The following MAOB variants were observed in gnomAD, a reference collection of about 807,000 sequenced individuals.
MAOB encodes the protein amine oxidase [flavin-containing] B.
A neutral mutation model predicts 41.9 loss-of-function variants in MAOB; 15 were observed. The observed-to-expected ratio is 0.36, with a 90% CI of 0.24 to 0.55. The LOEUF is 0.55. MAOB is among the 20% of genes least tolerant of loss of function. The pLI, the probability that MAOB is intolerant of heterozygous loss-of-function variation, is 0.86. For synonymous variants in MAOB, 167 were observed against 144.2 expected (o/e 1.16, Z -1.13); for missense variants, 345 against 398.7 (o/e 0.87, Z 1.15).
intron 12 of MAOB, among the ~76,000 whole-genome samples, chrX:43,769,885 CAATCAGTAACATTT>C (rs1165992823): frequency 1.8e-5 from 2 of 111,720 alleles, no homozygotes; most frequent in Non-Finnish European, 3.8e-5. Context: ...AAGACCCTTT[CAATCAGTAACATTT>C]AACAAATCTG....
intron 3 of MAOB, among the ~76,000 whole-genome samples, chrX:43,810,788 A>G (rs371857266): frequency 9.0e-6 from 1 of 111,651 alleles, no homozygotes; most frequent in East Asian, 2.8e-4. Flanking sequence ...AATTGGAATC[A>G]TGATACCTAT....
Position 43,797,270 on chromosome X carries a change from C to T in MAOB, c.477-4G>A, listed in dbSNP as rs1243514328. 1 of 1,157,130 alleles carries T rather than the reference C, an allele frequency of 8.6e-7. No homozygotes were observed. The highest frequency in any genetic ancestry group is 1.2e-6 in the Non-Finnish European group (1 of 868,340). ...AGTGGCAAGCTGCTTTGCAGATCTG[C>T]ACAGGAAGAAACAAGAGCAAACTTG... On this transcript the variant is annotated splice_polypyrimidine_tract_variant and splice_region_variant and intron_variant, in intron 5 of 14. Transcript: ENST00000378069.
At position 43,839,380 on chromosome X, in the gene MAOB, A is replaced by G. The variant is rs188484842; in HGVS notation, c.142-375T>C. Among the ~76,000 whole-genome samples, 89 of 112,260 alleles carry G rather than the reference A, an allele frequency of 7.9e-4. No individual in the cohort carries two copies. In the Middle Eastern group the frequency reaches 0.014, roughly 17 times the overall value. On this transcript the variant is annotated intron_variant, in intron 2 of 14. Coordinates refer to ENST00000378069, the MANE Select transcript of MAOB (RefSeq NM_000898.5). The stretch of plus-strand genomic sequence containing the variant: ...TGCTAGAGAAAAAGCAAGAAAGAAA[A>G]CGATCACTTCTTATGTGATTTGTTA...
intron 11 of MAOB, among the ~76,000 whole-genome samples, chrX:43,777,792 C>T (rs1279820375): frequency 8.9e-6 from 1 of 112,219 alleles, no homozygotes; most frequent in African/African-American, 3.2e-5. Flanking sequence ...GTACATTGGT[C>T]TCCATTGTCT....
At chrX:43,806,808 C>T (rs1024848904) in intron 3 of MAOB, among the ~76,000 whole-genome samples, 4 of 111,944 alleles carry the variant, frequency 3.6e-5, no homozygotes, top group African/African-American at 1.3e-4. Context: ...GTGTTTTATA[C>T]CTTGTGTTAT....
intron 1 of MAOB, among the ~76,000 whole-genome samples, chrX:43,865,478 A>C (rs2035358941): frequency 8.9e-6 from 1 of 112,028 alleles, no homozygotes; most frequent in Non-Finnish European, 1.9e-5. Context: ...ATGTTCAAAA[A>C]TTACATTGGG....
At chrX:43,838,058 T>C (rs1017558605) in intron 3 of MAOB, 1 of 316,442 alleles carries the variant, frequency 3.2e-6, no homozygotes, top group Non-Finnish European at 6.2e-6. Context: ...GTTATTAGAA[T>C]GAATGTCCAA....
chrX:43,792,725 T>C (rs1254354028), intron 8 of MAOB, among the ~76,000 whole-genome samples: 2 of 112,234 alleles, frequency 1.8e-5, no homozygotes, highest in Non-Finnish European at 3.8e-5. Context: ...TATGCACTGT[T>C]GGTGGGAATG....
intron 3 of MAOB, among the ~76,000 whole-genome samples, chrX:43,816,433 G>T (rs1431937368): frequency 2.7e-5 from 3 of 112,107 alleles, no homozygotes; most frequent in Non-Finnish European, 5.6e-5. Flanking sequence ...ATGTGAATTA[G>T]ATCTCAATGA....
chrX:43,826,921 A>G (rs1311954883), intron 3 of MAOB, among the ~76,000 whole-genome samples: 2 of 112,284 alleles, frequency 1.8e-5, no homozygotes, highest in Non-Finnish European at 3.8e-5. Context: ...TATTCCAACC[A>G]AAGTATCTGC....
At chrX:43,791,018 G>T (rs1217510404) in intron 8 of MAOB, among the ~76,000 whole-genome samples, 1 of 111,608 alleles carries the variant, frequency 9.0e-6, no homozygotes, top group African/African-American at 3.3e-5. Context: ...AAAATGGGTG[G>T]CCTGGGTCAC....
intron 8 of MAOB, among the ~76,000 whole-genome samples, chrX:43,787,661 T>C (rs1569212798): frequency 8.9e-6 from 1 of 112,306 alleles, no homozygotes; most frequent in Non-Finnish European, 1.9e-5. Context: ...TGATAGTTTA[T>C]GTGTACATTT....
chrX:43,794,375 C>T (rs1253860473), intron 7 of MAOB, among the ~76,000 whole-genome samples: 1 of 110,742 alleles, frequency 9.0e-6, no homozygotes, highest in Admixed American at 9.7e-5. Flanking sequence ...ACCAATTCTC[C>T]CATCTCACTT....
At chrX:43,803,708 G>C (rs2034627269) in intron 3 of MAOB, among the ~76,000 whole-genome samples, 1 of 111,924 alleles carries the variant, frequency 8.9e-6, no homozygotes, top group African/African-American at 3.3e-5. Context: ...GTTAACCTAA[G>C]GAAATCTTAT....
At chrX:43,870,566 C>G (rs926292650) in intron 1 of MAOB, among the ~76,000 whole-genome samples, 3 of 110,076 alleles carry the variant, frequency 2.7e-5, no homozygotes, top group Non-Finnish European at 3.8e-5. Context: ...GAGGCTGAGG[C>G]GGGCGGATCA....
intron 3 of MAOB, among the ~76,000 whole-genome samples, chrX:43,835,135 G>A (rs765830668): frequency 1.3e-4 from 15 of 112,399 alleles, no homozygotes; most frequent in African/African-American, 4.2e-4. Flanking sequence ...AACCATACAC[G>A]CATGCACATG....
chrX:43,872,649 T>C (rs1014762170), intron 1 of MAOB, among the ~76,000 whole-genome samples: 8 of 111,950 alleles, frequency 7.1e-5, no homozygotes, highest in Admixed American at 1.9e-4. Context: ...CAATAGGAGA[T>C]TGATTCAACA....
At chrX:43,881,571 G>C (rs1382870957) in intron 1 of MAOB, among the ~76,000 whole-genome samples, 1 of 112,186 alleles carries the variant, frequency 8.9e-6, no homozygotes, top group Admixed American at 9.4e-5. Context: ...TGTGGCTGAG[G>C]GGGTAGTGTC....
chrX:43,877,319 AC>A (rs1339777124), intron 1 of MAOB, among the ~76,000 whole-genome samples: 1 of 110,474 alleles, frequency 9.1e-6, no homozygotes, highest in Non-Finnish European at 1.9e-5. Context: ...CAAGCCTTAA[AC>A]CTGCCCTGGT....
Sources: allele counts gnomAD v4.1 joint callset (sites outside exome capture counted in the v4.1 genomes callset), GRCh38; gene constraint gnomAD v4.1.1; transcripts MANE v1.5; gene names NCBI Gene and HGNC (gene_info 2026-07-23, HGNC 2026-07-21).